The following KIAA1143 variants were observed in gnomAD, a reference collection of about 807,000 sequenced individuals.
The protein encoded by KIAA1143 is KIAA1143, also known as uncharacterized protein KIAA1143.
KIAA1143 carries 8 observed loss-of-function variants against 17.0 expected under a neutral mutation model. The observed-to-expected ratio is 0.47, with a 90% CI of 0.28 to 0.85. KIAA1143 has a LOEUF of 0.85. KIAA1143 is among the 40% of genes least tolerant of loss of function. KIAA1143 has a pLI of 0.12. For synonymous variants in KIAA1143, 64 were observed against 67.8 expected (o/e 0.94, Z 0.27); for missense variants, 162 against 183.3 (o/e 0.88, Z 0.67).
At chr3:44,755,342 A>G (rs563576752) in intron 1 of KIAA1143, among the ~76,000 whole-genome samples, 1 of 152,278 alleles carries the variant, frequency 6.6e-6, no homozygotes, top group South Asian at 2.1e-4. Flanking sequence ...CTAGAGGTGG[A>G]ACTGTTGGGT....
At position 44,751,219 on chromosome 3, in the gene KIAA1143, A is replaced by G. The variant is rs1393393406; in HGVS notation, c.*2122T>C. ...TTGGTGGAAGTGGTAGACTGGAGAC[A>G]GAAATATTGTATGTCCCTAAATTAA... On this transcript the variant is annotated 3_prime_UTR_variant, in exon 3 of 3. Coordinates refer to ENST00000296121, the MANE Select transcript of KIAA1143 (RefSeq NM_020696.4). The G allele has an allele frequency of 1.6e-4, 24 of 152,130 alleles. No homozygotes were observed. Among genetic ancestry groups the G allele is most frequent in the Non-Finnish European group, 1.5e-4 (10 of 68,034 alleles). The allele number at this position is 152,130 out of a possible 1,614,324, so 9.4% of individuals were successfully genotyped here.
chr3:44,761,596 T>C lies in KIAA1143; in HGVS notation c.7A>G (p.Lys3Glu), dbSNP rs1260249629. The C allele has an allele frequency of 6.2e-7, 1 of 1,603,186 alleles. No individual in the cohort carries two copies. The highest frequency in any genetic ancestry group is 2.3e-5 in the East Asian group (1 of 44,000). The change falls in exon 1 of 3, where the codon AAG becomes GAG. Residue 3 changes from lysine (K) to glutamate (E), a missense_variant. Physicochemically the swap from Lys to Glu is moderately conservative, Grantham distance 56. Coordinates refer to ENST00000296121, the MANE Select transcript of KIAA1143 (RefSeq NM_020696.4). MSKRNQVSYVRPA... is the reference protein window; with the variant it reads MSERNQVSYVRPA... ...CGCACGTACGATACCTGGTTCCGCT[T>C]GCTCATGGTAGCTCTGGGTAAAGAC...
chr3:44,760,191 T>C (rs1705056686), intron 1 of KIAA1143, among the ~76,000 whole-genome samples: 1 of 152,236 alleles, frequency 6.6e-6, no homozygotes. Context: ...TTAAAGGGAA[T>C]GTTGTGGCTG....
At chr3:44,754,081 G>T (rs1197880241) in intron 2 of KIAA1143, 143 bp downstream of exon 2, 2 of 717,672 alleles carry the variant, frequency 2.8e-6, no homozygotes, top group Middle Eastern at 4.1e-4. Flanking sequence ...CTTGCTCAAG[G>T]TTACACATCT....
chr3:44,753,640 G>A, intron 2 of KIAA1143, 88 bp from the exon 3 acceptor site: 7 of 1,267,744 alleles, frequency 5.5e-6, no homozygotes, highest in Non-Finnish European at 7.6e-6. Context: ...ATCTCATATT[G>A]TATTTAAGGA....
Position 44,754,480 on chromosome 3 carries a change from A to G in KIAA1143, c.109-112T>C, listed in dbSNP as rs1704937599. On this transcript the variant is annotated intron_variant, in intron 1 of 2. Coordinates refer to ENST00000296121, the MANE Select transcript of KIAA1143 (RefSeq NM_020696.4). ...TGAGAAGGGTATCTTTATTGAGTAAATAAGGGCAATGAATTTTAAGGTAAC... is the reference window on the plus strand; with the variant it reads ...TGAGAAGGGTATCTTTATTGAGTAAGTAAGGGCAATGAATTTTAAGGTAAC... 8 of 1,005,204 alleles carry G rather than the reference A, an allele frequency of 8.0e-6. No individual in the cohort carries two copies. The South Asian group carries it at 1.2e-4, about 15-fold the overall frequency. 62.3% of individuals were successfully genotyped at this position (1,005,204 alleles called of 1,614,324 possible).
At chr3:44,759,483 C>G (rs1705026543) in intron 1 of KIAA1143, among the ~76,000 whole-genome samples, 3 of 152,068 alleles carry the variant, frequency 2.0e-5, no homozygotes, top group African/African-American at 7.2e-5. Context: ...CTTACGGACC[C>G]TAGGATTTTT....
chr3:44,761,495 C>T lies in KIAA1143; in HGVS notation c.108G>A (p.Lys36=). 1 of 1,612,182 alleles carries T rather than the reference C, an allele frequency of 6.2e-7. No homozygotes were observed. The highest frequency in any genetic ancestry group is 8.5e-7 in the Non-Finnish European group (1 of 1,178,624). The change falls in exon 1 of 3, where the codon AAG becomes AAA. Residue 36 remains lysine, a splice_region_variant and synonymous_variant. Transcript: ENST00000296121. The part of the protein sequence containing the change: ...GYREGPTVET[K]RIQPQPPDED... ...AGAAACACGACTGGCGAAGGCTCAC[C>T]TTAGTCTCTACGGTGGGTCCCTCCC...
At chr3:44,757,475 C>A (rs559382754) in intron 1 of KIAA1143, among the ~76,000 whole-genome samples, 1 of 152,298 alleles carries the variant, frequency 6.6e-6, no homozygotes, top group South Asian at 2.1e-4. Flanking sequence ...ATCTAAATAT[C>A]CCTCCTCCAC....
intron 1 of KIAA1143, among the ~76,000 whole-genome samples, chr3:44,758,031 AT>A (rs1390263334): frequency 1.3e-5 from 2 of 152,268 alleles, no homozygotes; most frequent in African/African-American, 4.8e-5. Flanking sequence ...GTCTAAAAAA[AT>A]CTAGATCCCA....
chr3:44,758,463 T>C (rs1236756207), intron 1 of KIAA1143, among the ~76,000 whole-genome samples: 3 of 152,210 alleles, frequency 2.0e-5, no homozygotes, highest in African/African-American at 7.2e-5. Flanking sequence ...ATTTCAACAA[T>C]GTTCACAGCA....
In KIAA1143 at chr3:44,761,515, C is replaced by T. The variant is rs372067637; in HGVS notation, c.88G>A (p.Gly30Arg). Residue 30 changes from glycine to arginine, a missense_variant, in exon 1 of 3, where the codon GGA becomes AGA. Around this residue, in one of 2 missense-constraint regions of KIAA1143, gnomAD observed 137 missense variants for 132.5 expected, o/e 1.03. Coordinates refer to ENST00000296121, the MANE Select transcript of KIAA1143 (RefSeq NM_020696.4). The stretch of plus-strand genomic sequence containing the variant: ...CTCACCTTAGTCTCTACGGTGGGTC[C>T]CTCCCTGTAGCCGACCCGTTCCTTG... ...RFKERVGYRE[G>R]PTVETKRIQP... 5.6e-6 allele frequency: 9 copies of T among 1,613,634 alleles called. No homozygotes were observed. Among genetic ancestry groups the T allele is most frequent in the African/African-American group, 1.3e-5 (1 of 74,912 alleles).
Position 44,749,851 on chromosome 3 carries a change from T to G in KIAA1143, c.*3490A>C, listed in dbSNP as rs377016950. 1 of 152,214 alleles carries G rather than the reference T, an allele frequency of 6.6e-6. No individual in the cohort carries two copies. Among genetic ancestry groups the G allele is most frequent in the Admixed American group, 6.5e-5 (1 of 15,284 alleles). The allele number at this position is 152,214 out of a possible 1,614,324, so 9.4% of individuals were successfully genotyped here. ...TGTTGCCCAGGCTGGAGTGCAGTGG[T>G]GCAATCATAGCTCACTGCAGCGTTG... On this transcript the variant is annotated 3_prime_UTR_variant, in exon 3 of 3. Coordinates refer to ENST00000296121, the MANE Select transcript of KIAA1143 (RefSeq NM_020696.4).
chr3:44,753,416 C>T lies in KIAA1143; in HGVS notation c.390G>A (p.Ser130=), dbSNP rs768258039. 5.0e-5 allele frequency: 79 copies of T among 1,594,306 alleles called. No individual in the cohort carries two copies. Among genetic ancestry groups the T allele is most frequent in the Non-Finnish European group, 6.6e-5 (77 of 1,162,820 alleles). ...KPNEDEVNQD[S]VKKNSQKQIK... is the part of the protein sequence containing the mutation. ...TTTGTTTTTGTGAGTTCTTTTTGAC[C>T]GAGTCCTGATTTACTTCATCTTCAT... Residue 130 remains serine (S), a synonymous_variant, in exon 3 of 3, where the codon TCG becomes TCA. Transcript: ENST00000296121.
chr3:44,753,410 T>C lies in KIAA1143; in HGVS notation c.396A>G (p.Lys132=). Reference sequence around the variant, plus strand: ...TTTTAATTTGTTTTTGTGAGTTCTTTTTGACCGAGTCCTGATTTACTTCAT... The same window carrying C: ...TTTTAATTTGTTTTTGTGAGTTCTTCTTGACCGAGTCCTGATTTACTTCAT... ...NEDEVNQDSV[K]KNSQKQIKNS... The change falls in exon 3 of 3, where the codon AAA becomes AAG. Residue 132 remains lysine, a synonymous_variant. Coordinates refer to ENST00000296121, the MANE Select transcript of KIAA1143 (RefSeq NM_020696.4). 3.8e-6 allele frequency: 6 copies of C among 1,597,494 alleles called. No homozygotes were observed. Among genetic ancestry groups the C allele is most frequent in the Non-Finnish European group, 5.1e-6 (6 of 1,165,338 alleles).
intron 1 of KIAA1143, among the ~76,000 whole-genome samples, chr3:44,757,743 T>C (rs1166313176): frequency 1.3e-5 from 2 of 152,136 alleles, no homozygotes; most frequent in East Asian, 3.8e-4. Flanking sequence ...TTCGGAGAGA[T>C]GGTAACTTGT....
chr3:44,759,834 G>A (rs916894699), intron 1 of KIAA1143, among the ~76,000 whole-genome samples: 4 of 139,432 alleles, frequency 2.9e-5, no homozygotes, highest in Admixed American at 7.9e-5. Context: ...GGTCAAGGCT[G>A]CAGTGAGCTG....
Position 44,752,301 on chromosome 3 carries a change from G to GC in KIAA1143, c.*1039dup, listed in dbSNP as rs1383853715. On this transcript the variant is annotated 3_prime_UTR_variant, in exon 3 of 3. Transcript: ENST00000296121. ...TCTGCACCAATCAGACAGGTCACGG[G>GC]CCACTACTTCATTTACACAGGGTGT... The GC allele has an allele frequency of 1.4e-4, 21 of 151,220 alleles. No homozygotes were observed. Among genetic ancestry groups the GC allele is most frequent in the African/African-American group, 5.1e-4 (21 of 41,232 alleles). 9.4% of individuals were successfully genotyped at this position (151,220 alleles called of 1,614,324 possible). A position where few individuals can be genotyped will look rare whatever the true frequency, so the allele number is the denominator to read the frequency against.
Position 44,753,293 on chromosome 3 carries a change from G to A in KIAA1143, c.*48C>T. On this transcript the variant is annotated 3_prime_UTR_variant, in exon 3 of 3. Transcript: ENST00000296121. ...TAATAGGAAAAAATGTGATTTTAATGAACACTCCATATACTTTCAAAGTAG... is the reference window on the plus strand; with the variant it reads ...TAATAGGAAAAAATGTGATTTTAATAAACACTCCATATACTTTCAAAGTAG... 1 of 1,396,418 alleles carries A rather than the reference G, an allele frequency of 7.2e-7. No homozygotes were observed. Among genetic ancestry groups the A allele is most frequent in the East Asian group, 2.3e-5 (1 of 43,584 alleles). The allele number at this position is 1,396,418 out of a possible 1,614,324, so 86.5% of individuals were successfully genotyped here.
Sources: allele counts gnomAD v4.1 joint callset (sites outside exome capture counted in the v4.1 genomes callset), GRCh38; gene constraint gnomAD v4.1.1; regional missense constraint gnomAD v4.1.1; transcripts MANE v1.5; gene names NCBI Gene and HGNC (gene_info 2026-07-23, HGNC 2026-07-21).